Variants in DYM observed in about 807,000 individuals in gnomAD.
The protein encoded by DYM is dymeclin.
A neutral mutation model predicts 93.1 loss-of-function variants in DYM; 78 were observed. That is an observed-to-expected ratio of 0.84 (90% CI 0.70 to 1.01). DYM has a LOEUF of 1.01. Among genes scored for constraint, DYM ranks in the 50% least tolerant of loss-of-function variants. DYM has a pLI of 0.00. For synonymous variants in DYM, 321 were observed against 319.7 expected (o/e 1.00, Z -0.04); for missense variants, 789 against 845.0 (o/e 0.93, Z 0.82).
chr18:49,269,026 T>C (rs1262960556), intron 11 of DYM, among the ~76,000 whole-genome samples: 2 of 152,104 alleles, frequency 1.3e-5, no homozygotes, highest in African/African-American at 2.4e-5. Flanking sequence ...AGCCTCTGAA[T>C]TGATATAAAA....
intron 2 of DYM, among the ~76,000 whole-genome samples, chr18:49,412,094 T>C (rs1361433003): frequency 2.0e-5 from 3 of 152,140 alleles, no homozygotes; most frequent in African/African-American, 4.8e-5. Flanking sequence ...TTTACATTCA[T>C]GTGATTCACA....
At chr18:49,126,659 A>ATT (rs11459554) in intron 15 of DYM, among the ~76,000 whole-genome samples, 7 of 152,048 alleles carry the variant, frequency 4.6e-5, no homozygotes, top group Admixed American at 6.6e-5. Flanking sequence ...ATATTATTTG[A>ATT]TTTTTTTTCA....
At chr18:49,057,736 C>T (rs1463423417) in intron 17 of DYM, among the ~76,000 whole-genome samples, 3 of 152,210 alleles carry the variant, frequency 2.0e-5, no homozygotes, top group African/African-American at 7.2e-5. Context: ...ACCATGAAAA[C>T]GAAGTGTAAA....
chr18:49,402,007 CA>C (rs1243804495), intron 2 of DYM, among the ~76,000 whole-genome samples: 1 of 141,786 alleles, frequency 7.1e-6, no homozygotes, highest in Admixed American at 7.3e-5. Flanking sequence ...GCCTGGGCAA[CA>C]AGAGCGAAAC....
intron 8 of DYM, among the ~76,000 whole-genome samples, chr18:49,293,629 A>G (rs908988127): frequency 8.5e-5 from 13 of 152,266 alleles, no homozygotes; most frequent in South Asian, 6.2e-4. Context: ...TTCTTTTGAG[A>G]AGTGTCTGTT....
intron 14 of DYM, 24 bp from the exon 15 acceptor site, chr18:49,163,811 A>T: frequency 1.4e-6 from 2 of 1,453,844 alleles, no homozygotes; most frequent in Non-Finnish European, 1.9e-6. Flanking sequence ...CAAAAAACCA[A>T]TTATATTAAA....
At chr18:49,224,858 AG>A (rs1342887540) in intron 13 of DYM, among the ~76,000 whole-genome samples, 1 of 152,138 alleles carries the variant, frequency 6.6e-6, no homozygotes. Context: ...AAGTATCACA[AG>A]ATCACTTCAA....
chr18:49,278,130 G>A (rs1042936009), intron 10 of DYM, among the ~76,000 whole-genome samples: 86 of 152,142 alleles, frequency 5.7e-4, no homozygotes, highest in African/African-American at 1.9e-3. Context: ...ACCACATTCA[G>A]AAAATAAAGG....
At chr18:49,183,912 G>A (rs999079122) in intron 14 of DYM, among the ~76,000 whole-genome samples, 4 of 152,240 alleles carry the variant, frequency 2.6e-5, no homozygotes, top group South Asian at 2.1e-4. Flanking sequence ...CTCTGTGCAC[G>A]TACTAAGAAG....
intron 9 of DYM, among the ~76,000 whole-genome samples, chr18:49,284,716 T>C (rs1262621787): frequency 6.6e-6 from 1 of 152,210 alleles, no homozygotes; most frequent in African/African-American, 2.4e-5. Context: ...TGAAACTTGC[T>C]TTCTTAACCA....
At chr18:49,073,068 C>T (rs2077017191) in intron 17 of DYM, among the ~76,000 whole-genome samples, 1 of 152,170 alleles carries the variant, frequency 6.6e-6, no homozygotes, top group Non-Finnish European at 1.5e-5. Flanking sequence ...AAAATGAACA[C>T]ATACGTGGAT....
chr18:49,072,890 A>T (rs2144932545), intron 17 of DYM, among the ~76,000 whole-genome samples: 1 of 152,340 alleles, frequency 6.6e-6, no homozygotes, highest in Middle Eastern at 3.4e-3. Flanking sequence ...CCCTTCCATT[A>T]GACTAGGCTC....
intron 14 of DYM, among the ~76,000 whole-genome samples, chr18:49,192,187 G>T (rs2091041527): frequency 6.7e-6 from 1 of 148,264 alleles, no homozygotes; most frequent in African/African-American, 2.5e-5. Context: ...CACCCAGAGT[G>T]CTGGGATTAC....
At chr18:49,099,208 T>C (rs2079872026) in intron 16 of DYM, among the ~76,000 whole-genome samples, 1 of 152,238 alleles carries the variant, frequency 6.6e-6, no homozygotes, top group African/African-American at 2.4e-5. Context: ...ACTGAATTTT[T>C]TTTTTCTTTC....
chr18:49,140,067 A>T (rs1424331001), intron 15 of DYM, among the ~76,000 whole-genome samples: 1 of 152,202 alleles, frequency 6.6e-6, no homozygotes, highest in Non-Finnish European at 1.5e-5. Flanking sequence ...AAATTCAAAA[A>T]ATAAATGACT....
intron 2 of DYM, among the ~76,000 whole-genome samples, chr18:49,419,089 G>A (rs976030843): frequency 4.6e-5 from 7 of 152,122 alleles, no homozygotes; most frequent in Non-Finnish European, 1.0e-4. Context: ...GTGGCCAGGC[G>A]CAGTGGCTCA....
At chr18:49,092,696 T>C (rs938723132) in intron 17 of DYM, among the ~76,000 whole-genome samples, 2 of 152,108 alleles carry the variant, frequency 1.3e-5, no homozygotes, top group African/African-American at 2.4e-5. Context: ...ATATCGGTGA[T>C]GATGATGATG....
At position 49,283,864 on chromosome 18, in the gene DYM, C is replaced by T. The variant is rs150115392; in HGVS notation, c.947-1689G>A. 1.8e-3 allele frequency among the ~76,000 whole-genome samples: 279 copies of T among 152,294 alleles called. 2 individuals are homozygous for T. The highest frequency in any genetic ancestry group is 6.0e-3 in the African/African-American group (251 of 41,568). ...TTTGTGAGGGGAATGCACCAAAATGCCTTCAGGTTTACTATCCAGTGCCCT... is the reference window on the plus strand; with the variant it reads ...TTTGTGAGGGGAATGCACCAAAATGTCTTCAGGTTTACTATCCAGTGCCCT... On this transcript the variant is annotated intron_variant, in intron 9 of 17. Transcript: ENST00000675505.
intron 1 of DYM, among the ~76,000 whole-genome samples, chr18:49,432,168 C>T (rs2080380369): frequency 6.6e-6 from 1 of 151,812 alleles, no homozygotes; most frequent in South Asian, 2.1e-4. Flanking sequence ...AGGCGATCTA[C>T]TCAAAATACA....
Sources: gnomAD v4.1 joint callset for allele counts (sites outside exome capture counted in the v4.1 genomes callset) on GRCh38, gnomAD v4.1.1 for gene constraint, MANE v1.5 for transcripts, NCBI Gene and HGNC (gene_info 2026-07-23, HGNC 2026-07-21) for gene names.